Variants in MOXD1 observed in about 807,000 individuals in gnomAD.
The protein encoded by MOXD1 is DBH-like monooxygenase protein 1.
In MOXD1, 62 loss-of-function variants were observed where a neutral mutation model predicts 66.6. The ratio of observed to expected loss-of-function variants is 0.93; its 90% CI spans 0.76 to 1.15. The LOEUF is 1.15. Among genes scored for constraint, MOXD1 ranks in the 50% most tolerant of loss-of-function variants. The probability of loss-of-function intolerance (pLI) is 0.00; values close to 1 mark genes in which losing one functional copy is unlikely to be tolerated. For synonymous variants in MOXD1, 303 were observed against 281.9 expected (o/e 1.07, Z -0.75); for missense variants, 847 against 754.6 (o/e 1.12, Z -1.44).
intron 10 of MOXD1, among the ~76,000 whole-genome samples, chr6:132,305,082 G>A (rs1285617535): frequency 6.6e-6 from 1 of 152,188 alleles, no homozygotes; most frequent in African/African-American, 2.4e-5. Flanking sequence ...GCAGCAGCCA[G>A]CACTAGGACT....
chr6:132,351,310 G>A (rs74529090), intron 4 of MOXD1, among the ~76,000 whole-genome samples: 1 of 152,078 alleles, frequency 6.6e-6, no homozygotes, highest in Non-Finnish European at 1.5e-5. Context: ...ATTGAGGTAT[G>A]TTCCTTGTAT....
At chr6:132,298,980 C>T (rs1774471287) in intron 10 of MOXD1, among the ~76,000 whole-genome samples, 1 of 152,100 alleles carries the variant, frequency 6.6e-6, no homozygotes, top group Admixed American at 6.6e-5. Context: ...TTTGTATGTT[C>T]ATCATAGCAC....
rs185266590 is a variant in MOXD1 at position 132,316,409 on chromosome 6, A to C, written c.1366-632T>G. Among the ~76,000 whole-genome samples the C allele has an allele frequency of 2.5e-3, 375 of 152,258 alleles. 2 individuals carry two copies. Among genetic ancestry groups the C allele is most frequent in the African/African-American group, 8.3e-3 (344 of 41,572 alleles). ...AAGATTGATGTGCTGGATTTATCAGACAATGACTTGAAAACAGATAAAAAT... is the reference window on the plus strand; with the variant it reads ...AAGATTGATGTGCTGGATTTATCAGCCAATGACTTGAAAACAGATAAAAAT... On this transcript the variant is annotated intron_variant, in intron 9 of 11. Transcript: ENST00000367963.
At chr6:132,367,061 C>G (rs1396295682) in intron 4 of MOXD1, among the ~76,000 whole-genome samples, 3 of 152,028 alleles carry the variant, frequency 2.0e-5, no homozygotes, top group Non-Finnish European at 4.4e-5. Flanking sequence ...AGTAATAAAG[C>G]ATAGCATTTC....
chr6:132,398,615 T>A (rs1354409785), intron 1 of MOXD1, among the ~76,000 whole-genome samples: 1 of 152,142 alleles, frequency 6.6e-6, no homozygotes, highest in Non-Finnish European at 1.5e-5. Flanking sequence ...ACATGAAGTC[T>A]ACTAATAGAA....
intron 10 of MOXD1, among the ~76,000 whole-genome samples, chr6:132,308,430 C>A (rs1774746575): frequency 6.6e-6 from 1 of 152,144 alleles, no homozygotes; most frequent in South Asian, 2.1e-4. Flanking sequence ...CAGCTGAATT[C>A]TACCAGAAAT....
intron 10 of MOXD1, among the ~76,000 whole-genome samples, chr6:132,305,334 C>T (rs1353048088): frequency 6.6e-6 from 1 of 152,220 alleles, no homozygotes; most frequent in Non-Finnish European, 1.5e-5. Flanking sequence ...CCAATGACTC[C>T]AACTAGAGGC....
chr6:132,316,603 A>G (rs967082637), intron 9 of MOXD1, among the ~76,000 whole-genome samples: 4 of 152,148 alleles, frequency 2.6e-5, no homozygotes, highest in African/African-American at 4.8e-5. Context: ...CCAAAACGAA[A>G]TAAAAACTTC....
intron 1 of MOXD1, among the ~76,000 whole-genome samples, chr6:132,375,737 T>C (rs1776366274): frequency 6.6e-6 from 1 of 152,194 alleles, no homozygotes; most frequent in Admixed American, 6.5e-5. Flanking sequence ...CTATCACTTC[T>C]GGGAGGCAGA....
At chr6:132,389,626 A>G (rs1776715919) in intron 1 of MOXD1, among the ~76,000 whole-genome samples, 1 of 151,574 alleles carries the variant, frequency 6.6e-6, no homozygotes, top group Non-Finnish European at 1.5e-5. Context: ...AAGTGATTCT[A>G]ATGTGCAGAT....
At chr6:132,340,638 ATTTTTTTT>A (rs869205496) in intron 4 of MOXD1, among the ~76,000 whole-genome samples, 4 of 98,806 alleles carry the variant, frequency 4.0e-5, no homozygotes, top group South Asian at 3.4e-4. Context: ...AACAAGACTC[ATTTTTTTT>A]TTTTTTTTTT....
chr6:132,354,842 G>A (rs1205572689), intron 4 of MOXD1, among the ~76,000 whole-genome samples: 1 of 152,124 alleles, frequency 6.6e-6, no homozygotes, highest in Non-Finnish European at 1.5e-5. Context: ...CTGCTGTGGG[G>A]AATGGGGGTG....
chr6:132,379,614 C>T lies in MOXD1; in HGVS notation c.265-4837G>A, dbSNP rs575911923. On this transcript the variant is annotated intron_variant, in intron 1 of 11. Transcript: ENST00000367963. ...ATTATATTTCTGTCTTCATATTTCA[C>T]CATTTGGGAATCTCATCTGCTCCAA... Among the ~76,000 whole-genome samples, 11 of 152,316 alleles carry T rather than the reference C, an allele frequency of 7.2e-5. No individual in the cohort carries two copies. The South Asian group carries it at 1.2e-3, about 17-fold the overall frequency.
intron 4 of MOXD1, among the ~76,000 whole-genome samples, chr6:132,340,325 T>C (rs768246638): frequency 1.3e-5 from 2 of 152,242 alleles, no homozygotes; most frequent in Non-Finnish European, 2.9e-5. Context: ...AATCACCCTT[T>C]ATTTGTTTCT....
chr6:132,366,154 T>G (rs17061204), intron 4 of MOXD1, among the ~76,000 whole-genome samples: 8,664 of 152,184 alleles, frequency 0.057, 460 homozygotes, highest in African/African-American at 0.14. Flanking sequence ...GCAAAATATT[T>G]AAGAGAAATG....
chr6:132,322,872 T>C lies in MOXD1; in HGVS notation c.1114-2A>G. 3.1e-6 allele frequency: 5 copies of C among 1,608,758 alleles called. No homozygotes were observed. The highest frequency in any genetic ancestry group is 4.2e-6 in the Non-Finnish European group (5 of 1,177,914). ...ACTTGGCTTTTCGGCTTCCAGAGCC[T>C]ACAGGAGACACCGAGGAAGACCCGA... is the stretch of plus-strand genomic sequence containing the variant. On this transcript the variant is annotated splice_acceptor_variant, in intron 7 of 11. Coordinates refer to ENST00000367963, the MANE Select transcript of MOXD1 (RefSeq NM_015529.4). LOFTEE classifies it high-confidence loss of function.
intron 10 of MOXD1, among the ~76,000 whole-genome samples, chr6:132,302,312 T>C (rs759792818): frequency 1.3e-5 from 2 of 152,122 alleles, no homozygotes; most frequent in African/African-American, 2.4e-5. Context: ...TAGTACTAAT[T>C]AACAGAATGT....
At chr6:132,333,268 A>G (rs976097528) in intron 4 of MOXD1, among the ~76,000 whole-genome samples, 33 of 149,670 alleles carry the variant, frequency 2.2e-4, no homozygotes, top group Non-Finnish European at 1.6e-4. Context: ...CCCGGGAGGC[A>G]GAGCTGGCAG....
intron 8 of MOXD1, among the ~76,000 whole-genome samples, chr6:132,322,255 T>C (rs1282904270): frequency 1.3e-5 from 2 of 152,216 alleles, no homozygotes; most frequent in Non-Finnish European, 2.9e-5. Context: ...ATAAAAGAAT[T>C]ATCCTTACAT....
Sources: gnomAD v4.1 joint callset for allele counts (sites outside exome capture counted in the v4.1 genomes callset) on GRCh38, gnomAD v4.1.1 for gene constraint, MANE v1.5 for transcripts, NCBI Gene and HGNC (gene_info 2026-07-23, HGNC 2026-07-21) for gene names.